CNKSR2: variants seen among roughly 807,000 people sequenced by gnomAD.
The protein encoded by CNKSR2 is connector enhancer of kinase suppressor of Ras 2.
In CNKSR2, 14 loss-of-function variants were observed where a neutral mutation model predicts 84.4. The ratio of observed to expected loss-of-function variants is 0.17; its 90% CI spans 0.11 to 0.26. The LOEUF (loss-of-function observed/expected upper bound fraction) is 0.26. Among genes scored for constraint, CNKSR2 ranks in the 10% least tolerant of loss-of-function variants. CNKSR2 has a pLI of 1.00. For synonymous variants in CNKSR2, 275 were observed against 277.9 expected, an observed-to-expected ratio of 0.99 and a Z score of 0.10; for missense variants, 485 against 771.2, an observed-to-expected ratio of 0.63 and a Z score of 4.40.
chrX:21,617,728 G>A (rs1347919263), intron 20 of CNKSR2, among the ~76,000 whole-genome samples: 2 of 111,226 alleles, frequency 1.8e-5, no homozygotes, highest in Non-Finnish European at 3.8e-5. Context: ...AGTTTATAAT[G>A]TAAGCAACAG....
At chrX:21,436,918 C>G (rs1474505151) in intron 3 of CNKSR2, among the ~76,000 whole-genome samples, 2 of 111,633 alleles carry the variant, frequency 1.8e-5, no homozygotes, top group Non-Finnish European at 3.8e-5. Context: ...TTAAAATCTG[C>G]TGGCTAAGAA....
At chrX:21,530,413 C>T (rs1254447722) in intron 10 of CNKSR2, among the ~76,000 whole-genome samples, 2 of 110,939 alleles carry the variant, frequency 1.8e-5, no homozygotes, top group African/African-American at 6.5e-5. Context: ...CACACAGAAG[C>T]AGAAATACAG....
intron 1 of CNKSR2, among the ~76,000 whole-genome samples, chrX:21,416,849 G>A (rs967927988): frequency 5.3e-5 from 5 of 93,735 alleles, no homozygotes; most frequent in African/African-American, 3.6e-4. Flanking sequence ...CCAAAGGTTT[G>A]TCAACTTTAA....
chrX:21,497,807 A>T lies in CNKSR2; in HGVS notation c.702A>T (p.Thr234=), dbSNP rs1486393673. ...CTTAGGGTATGTATATTAAATCTAC[A>T]TATGATGGCCTCCATGTAATTACTG... ...SEGLGMYIKS[T]YDGLHVITGT... The change falls in exon 7 of 22, where the codon ACA becomes ACT. Residue 234 remains threonine, a synonymous_variant. Coordinates refer to ENST00000379510, the MANE Select transcript of CNKSR2 (RefSeq NM_014927.5). 1 of 946,848 alleles carries T rather than the reference A, an allele frequency of 1.1e-6. No homozygotes were observed. Among genetic ancestry groups the T allele is most frequent in the Non-Finnish European group, 1.5e-6 (1 of 654,619 alleles). 78.0% of individuals were successfully genotyped at this position (946,848 alleles called of 1,213,427 possible).
At chrX:21,626,537 G>C (rs192506509) in intron 20 of CNKSR2, among the ~76,000 whole-genome samples, 1 of 111,818 alleles carries the variant, frequency 8.9e-6, no homozygotes, top group East Asian at 2.8e-4. Flanking sequence ...ATCCAGATGA[G>C]AGATATGATA....
chrX:21,388,896 TTG>T (rs1312776625), intron 1 of CNKSR2, among the ~76,000 whole-genome samples: 5 of 110,359 alleles, frequency 4.5e-5, no homozygotes, highest in African/African-American at 1.7e-4. Flanking sequence ...AGTTGCTACC[TTG>T]GCCAAGTGAT....
At chrX:21,485,259 A>G (rs1278732026) in intron 5 of CNKSR2, among the ~76,000 whole-genome samples, 1 of 111,992 alleles carries the variant, frequency 8.9e-6, no homozygotes, top group Non-Finnish European at 1.9e-5. Flanking sequence ...TTCAGATATA[A>G]TGAAAGAAAT....
At chrX:21,415,051 A>G (rs2090397722) in intron 1 of CNKSR2, among the ~76,000 whole-genome samples, 1 of 111,862 alleles carries the variant, frequency 8.9e-6, no homozygotes, top group African/African-American at 3.2e-5. Flanking sequence ...GTGATTCCAT[A>G]TACATTTTAG....
At chrX:21,395,847 CA>C (rs1222464188) in intron 1 of CNKSR2, among the ~76,000 whole-genome samples, 1 of 111,129 alleles carries the variant, frequency 9.0e-6, no homozygotes, top group Non-Finnish European at 1.9e-5. Context: ...AATTAAATGC[CA>C]AACACGAAAC....
intron 11 of CNKSR2, among the ~76,000 whole-genome samples, chrX:21,536,470 C>T: frequency 9.0e-6 from 1 of 110,805 alleles, no homozygotes; most frequent in Non-Finnish European, 1.9e-5. Context: ...TAGAATTCAG[C>T]AATGAAGCCA....
chrX:21,569,832 C>T (rs746564616), intron 13 of CNKSR2, among the ~76,000 whole-genome samples: 1 of 112,233 alleles, frequency 8.9e-6, no homozygotes, highest in East Asian at 2.8e-4. Flanking sequence ...TTGTACATCT[C>T]CAACAGAGCT....
intron 5 of CNKSR2, among the ~76,000 whole-genome samples, chrX:21,478,851 C>T (rs5951597): frequency 0.2 from 22,195 of 110,978 alleles, 5,277 homozygotes; most frequent in African/African-American, 0.68. Flanking sequence ...CCACATAAAG[C>T]GATAAATTGA....
At chrX:21,591,232 T>C in intron 15 of CNKSR2, 38 bp downstream of exon 15, 1 of 1,052,336 alleles carries the variant, frequency 9.5e-7, no homozygotes, top group Non-Finnish European at 1.3e-6. Flanking sequence ...ATCCATTCTC[T>C]ATCTTTAATC....
chrX:21,563,963 A>C (rs2092215926), intron 13 of CNKSR2, among the ~76,000 whole-genome samples: 1 of 110,901 alleles, frequency 9.0e-6, no homozygotes, highest in Non-Finnish European at 1.9e-5. Flanking sequence ...TATAAGAGGA[A>C]CATAGGAGAA....
chrX:21,446,425 C>G (rs1225906075), intron 4 of CNKSR2, among the ~76,000 whole-genome samples: 1 of 110,581 alleles, frequency 9.0e-6, no homozygotes, highest in Admixed American at 9.7e-5. Flanking sequence ...TATTAAATAC[C>G]TAATTTTTGG....
chrX:21,400,291 C>A (rs1215498843), intron 1 of CNKSR2, among the ~76,000 whole-genome samples: 2 of 109,669 alleles, frequency 1.8e-5, no homozygotes, highest in African/African-American at 6.6e-5. Context: ...CAGCTGAACT[C>A]AACATGGCCT....
At chrX:21,435,422 T>G (rs938913297) in intron 3 of CNKSR2, among the ~76,000 whole-genome samples, 19 of 111,429 alleles carry the variant, frequency 1.7e-4, no homozygotes, top group Non-Finnish European at 1.5e-4. Context: ...AAACTCCAGT[T>G]TCAATGGAGC....
intron 13 of CNKSR2, among the ~76,000 whole-genome samples, chrX:21,583,284 C>T (rs2092364422): frequency 9.0e-6 from 1 of 111,588 alleles, no homozygotes; most frequent in African/African-American, 3.3e-5. Flanking sequence ...AGGCCACCAA[C>T]AACAGCAGAC....
At position 21,395,496 on chromosome X, in the gene CNKSR2, A is replaced by G. The variant is rs1054077423; in HGVS notation, c.64+20535A>G. Among the ~76,000 whole-genome samples the G allele has an allele frequency of 1.1e-4, 12 of 111,064 alleles. No homozygotes were observed. In the Admixed American group the frequency reaches 1.2e-3, roughly 11 times the overall value. ...TTTTTGGGATGATCGGCTCTGAGCC[A>G]TTCATAACTCATTTGTTAAAAACAC... On this transcript the variant is annotated intron_variant, in intron 1 of 21. Coordinates refer to ENST00000379510, the MANE Select transcript of CNKSR2 (RefSeq NM_014927.5).
Sources: allele counts gnomAD v4.1 joint callset (sites outside exome capture counted in the v4.1 genomes callset), GRCh38; gene constraint gnomAD v4.1.1; transcripts MANE v1.5; gene names NCBI Gene and HGNC (gene_info 2026-07-23, HGNC 2026-07-21).